The following ADAM32 variants were observed in gnomAD, a reference collection of about 807,000 sequenced individuals.
ADAM32 encodes disintegrin and metalloproteinase domain-containing protein 32.
Under a neutral mutation model 114.9 loss-of-function variants are expected in ADAM32, and 89 were observed. The observed-to-expected ratio is 0.77, with a 90% CI of 0.65 to 0.92. The LOEUF is 0.92. ADAM32 is among the 40% of genes least tolerant of loss of function. ADAM32 has a pLI of 0.00. For missense variants in ADAM32, 870 were observed against 932.8 expected (o/e 0.93, Z 0.88); for synonymous variants, 285 against 307.5 (o/e 0.93, Z 0.77).
chr8:39,132,007 C>A, intron 2 of ADAM32: 2 of 307,510 alleles, frequency 6.5e-6, no homozygotes, highest in Non-Finnish European at 1.4e-5. Flanking sequence ...GATTTTCCTG[C>A]CTCAGCATCC....
At chr8:39,249,126 G>A (rs1267750108) in intron 17 of ADAM32, among the ~76,000 whole-genome samples, 1 of 151,832 alleles carries the variant, frequency 6.6e-6, no homozygotes, top group Non-Finnish European at 1.5e-5. Context: ...GGATGGTCTC[G>A]ATCTCCTGAC....
intron 11 of ADAM32, among the ~76,000 whole-genome samples, chr8:39,203,746 T>G (rs571899278): frequency 2.0e-5 from 3 of 152,272 alleles, no homozygotes; most frequent in Middle Eastern, 3.4e-3. Flanking sequence ...TTACAATTTG[T>G]CATGTTTTTG....
chr8:39,267,584 C>G (rs1408256992), intron 19 of ADAM32, among the ~76,000 whole-genome samples: 1 of 152,150 alleles, frequency 6.6e-6, no homozygotes, highest in Non-Finnish European at 1.5e-5. Context: ...AAAGAAGAAC[C>G]AGCACTGAGA....
At chr8:39,207,833 T>C (rs368411755) in intron 11 of ADAM32, among the ~76,000 whole-genome samples, 27 of 152,362 alleles carry the variant, frequency 1.8e-4, no homozygotes, top group East Asian at 1.5e-3. Context: ...GGTGTTTGTC[T>C]CTGTGTCTGG....
chr8:39,195,288 A>G (rs956495526), intron 11 of ADAM32, among the ~76,000 whole-genome samples: 7 of 151,872 alleles, frequency 4.6e-5, no homozygotes, highest in Non-Finnish European at 8.8e-5. Flanking sequence ...TTATTTTTTT[A>G]TTTGCCGTTG....
intron 16 of ADAM32, among the ~76,000 whole-genome samples, chr8:39,239,442 C>T (rs1810407640): frequency 6.6e-6 from 1 of 152,074 alleles, no homozygotes; most frequent in Non-Finnish European, 1.5e-5. Context: ...GAAACAAAAC[C>T]TTGAAATACA....
At chr8:39,257,390 T>A in intron 19 of ADAM32, 47 bp downstream of exon 19, 1 of 1,601,196 alleles carries the variant, frequency 6.2e-7, no homozygotes. Flanking sequence ...ACCATTTGAA[T>A]CTAGTTATAT....
At chr8:39,111,185 T>C (rs986955624) in intron 1 of ADAM32, among the ~76,000 whole-genome samples, 2 of 152,156 alleles carry the variant, frequency 1.3e-5, no homozygotes, top group Non-Finnish European at 2.9e-5. Flanking sequence ...CTGTTAGGAG[T>C]AATGCTGCTA....
chr8:39,218,663 G>A (rs1314901613), intron 12 of ADAM32, among the ~76,000 whole-genome samples: 2 of 152,152 alleles, frequency 1.3e-5, no homozygotes, highest in Non-Finnish European at 2.9e-5. Context: ...AGGCCCACAG[G>A]GAGTAATGCC....
chr8:39,172,986 G>A (rs575017206), intron 10 of ADAM32, among the ~76,000 whole-genome samples: 3 of 152,232 alleles, frequency 2.0e-5, no homozygotes, highest in African/African-American at 7.2e-5. Context: ...CAGGCCGGCC[G>A]CAGTGGCTCA....
chr8:39,228,166 A>C (rs1200832351), intron 14 of ADAM32, among the ~76,000 whole-genome samples: 2 of 152,210 alleles, frequency 1.3e-5, no homozygotes, highest in Non-Finnish European at 2.9e-5. Flanking sequence ...CATGGGACAA[A>C]AGAATCTGAA....
At chr8:39,281,352 CT>C (rs1282065131) in intron 23 of ADAM32, among the ~76,000 whole-genome samples, 178 bp downstream of exon 23, 7 of 152,070 alleles carry the variant, frequency 4.6e-5, no homozygotes. Flanking sequence ...TTCCATTAAT[CT>C]TTTTTCTTCA....
intron 16 of ADAM32, 62 bp downstream of exon 16, chr8:39,234,144 T>A: frequency 8.7e-7 from 1 of 1,147,842 alleles, no homozygotes; most frequent in Non-Finnish European, 1.1e-6. Flanking sequence ...TCTTTTTATT[T>A]AAGTATCAAA....
chr8:39,260,565 G>T (rs1156933719), intron 19 of ADAM32, among the ~76,000 whole-genome samples: 1 of 152,064 alleles, frequency 6.6e-6, no homozygotes, highest in African/African-American at 2.4e-5. Context: ...TCTGTTGAGT[G>T]TATTTTCAAC....
Position 39,254,521 on chromosome 8 carries a change from G to A in ADAM32, c.2005+5G>A. 6.5e-7 allele frequency: 1 copy of A among 1,550,276 alleles called. No individual in the cohort carries two copies. Among genetic ancestry groups the A allele is most frequent in the Non-Finnish European group, 8.7e-7 (1 of 1,143,022 alleles). On this transcript the variant is annotated splice_donor_5th_base_variant and intron_variant, in intron 18 of 24. Transcript: ENST00000379907. ...TATTTCCTGAGGAAGATATGGGCAA[G>A]TATTTGTCTCTTTAAATACCCATTT...
intron 21 of ADAM32, among the ~76,000 whole-genome samples, chr8:39,274,668 G>A (rs1812965008): frequency 6.6e-6 from 1 of 152,174 alleles, no homozygotes; most frequent in Admixed American, 6.5e-5. Flanking sequence ...TACAGAGAGA[G>A]CCATGTGCTT....
At chr8:39,274,179 G>A in intron 20 of ADAM32, 133 bp from the exon 21 acceptor site, 3 of 832,470 alleles carry the variant, frequency 3.6e-6, no homozygotes, top group Non-Finnish European at 5.9e-6. Context: ...GTGACCTTTG[G>A]ACATCATTTT....
At chr8:39,227,162 G>T (rs1564637666) in intron 14 of ADAM32, among the ~76,000 whole-genome samples, 1 of 152,160 alleles carries the variant, frequency 6.6e-6, no homozygotes, top group East Asian at 1.9e-4. Flanking sequence ...CAGGACCTGG[G>T]AGATACCCCA....
chr8:39,263,166 T>C (rs1812150508), intron 19 of ADAM32, among the ~76,000 whole-genome samples: 2 of 152,226 alleles, frequency 1.3e-5, no homozygotes, highest in Admixed American at 1.3e-4. Flanking sequence ...TGTTTGATGG[T>C]TATTACTGAA....
Sources: gnomAD v4.1 joint callset for allele counts (sites outside exome capture counted in the v4.1 genomes callset) on GRCh38, gnomAD v4.1.1 for gene constraint, MANE v1.5 for transcripts, NCBI Gene and HGNC (gene_info 2026-07-23, HGNC 2026-07-21) for gene names.